Variants in MARF1 observed in about 807,000 individuals in gnomAD.
MARF1 encodes meiosis regulator and mRNA stability factor 1.
A neutral mutation model predicts 168.2 loss-of-function variants in MARF1; 24 were observed. The observed-to-expected ratio is 0.14, with a 90% CI of 0.10 to 0.20. MARF1 has a LOEUF of 0.20. Among genes scored for constraint, MARF1 ranks in the 10% least tolerant of loss-of-function variants. The probability of loss-of-function intolerance (pLI) is 1.00; values close to 1 mark genes in which losing one functional copy is unlikely to be tolerated. For missense variants in MARF1, 1,744 were observed against 2,143.6 expected (o/e 0.81, Z 3.68); for synonymous variants, 868 against 822.4 (o/e 1.06, Z -0.95).
At chr16:15,636,701 A>C (rs2035620747) in intron 2 of MARF1, among the ~76,000 whole-genome samples, 1 of 152,190 alleles carries the variant, frequency 6.6e-6, no homozygotes, top group African/African-American at 2.4e-5. Context: ...TGGTATGAAA[A>C]CAACCCCTCA....
chr16:15,620,616 T>C (rs768238609), intron 12 of MARF1, 85 bp from the exon 13 acceptor site: 16 of 808,164 alleles, frequency 2.0e-5, no homozygotes, highest in Non-Finnish European at 2.7e-5. Flanking sequence ...ATTAACCCAG[T>C]GCATATGCAA....
At chr16:15,606,458 G>A (rs980625789) in intron 21 of MARF1, among the ~76,000 whole-genome samples, 2 of 151,932 alleles carry the variant, frequency 1.3e-5, no homozygotes, top group African/African-American at 4.8e-5. Context: ...TGCACTCCAC[G>A]TGACATCCTG....
Position 15,600,418 on chromosome 16 carries a change from CCT to C in MARF1, c.4813+8_4813+9del, listed in dbSNP as rs1362453334. The C allele has an allele frequency of 1.2e-6, 2 of 1,614,168 alleles. No individual in the cohort carries two copies. The highest frequency in any genetic ancestry group is 8.5e-7 in the Non-Finnish European group (1 of 1,180,040). On this transcript the variant is annotated splice_region_variant and intron_variant, in intron 25 of 26. Transcript: ENST00000396368. Reference sequence around the variant, plus strand: ...CACAAGCTCCTATGTCTCTGCTTTTCCTCTCTTACCACTGCCGTCAGCTCCAA... The same window carrying C: ...CACAAGCTCCTATGTCTCTGCTTTTCCTCTTACCACTGCCGTCAGCTCCAA...
rs534484053 is a variant in MARF1 at position 15,621,577 on chromosome 16, G to A, written c.2639+156C>T. 64 of 743,786 alleles carry A rather than the reference G, an allele frequency of 8.6e-5. 2 individuals are homozygous for A. The South Asian group carries it at 1.2e-3, about 14-fold the overall frequency. 46.1% of individuals were successfully genotyped at this position (743,786 alleles called of 1,614,324 possible). On this transcript the variant is annotated intron_variant, in intron 12 of 26. Coordinates refer to ENST00000396368, the MANE Select transcript of MARF1 (RefSeq NM_014647.4). ...TTAATGACTTAGACAAGAGTCAAATGGCTTGTTTCTAACTGTATCAATCTA... is the reference window on the plus strand; with the variant it reads ...TTAATGACTTAGACAAGAGTCAAATAGCTTGTTTCTAACTGTATCAATCTA...
chr16:15,606,718 G>A (rs1205558042), intron 21 of MARF1, among the ~76,000 whole-genome samples: 1 of 152,020 alleles, frequency 6.6e-6, no homozygotes, highest in Non-Finnish European at 1.5e-5. Flanking sequence ...CACACCTCAA[G>A]GCCCTCCTGT....
intron 3 of MARF1, 134 bp from the exon 4 acceptor site, chr16:15,635,065 T>C (rs1160606511): frequency 4.5e-6 from 3 of 669,058 alleles, no homozygotes; most frequent in Non-Finnish European, 7.4e-6. Context: ...AAAAGGACTT[T>C]CAAATAATCT....
intron 6 of MARF1, 58 bp downstream of exon 6, chr16:15,631,323 T>C: frequency 8.5e-7 from 1 of 1,179,320 alleles, no homozygotes; most frequent in Non-Finnish European, 1.3e-6. Context: ...TGCTGGCTTC[T>C]ATGATAATTT....
chr16:15,628,873 A>G (rs1476948722), intron 7 of MARF1, among the ~76,000 whole-genome samples: 1 of 152,202 alleles, frequency 6.6e-6, no homozygotes, highest in African/African-American at 2.4e-5. Context: ...CAGACTAAAG[A>G]ACATAAAAAG....
chr16:15,609,979 G>A (rs1391483250), intron 19 of MARF1, among the ~76,000 whole-genome samples: 1 of 152,068 alleles, frequency 6.6e-6, no homozygotes, highest in African/African-American at 2.4e-5. Flanking sequence ...TTATAAGCTA[G>A]AAACAATGTC....
At chr16:15,602,912 A>C (rs1255680280) in intron 22 of MARF1, among the ~76,000 whole-genome samples, 1 of 152,204 alleles carries the variant, frequency 6.6e-6, no homozygotes, top group Non-Finnish European at 1.5e-5. Context: ...ACACATCAAA[A>C]GCAACAAGAA....
intron 5 of MARF1, among the ~76,000 whole-genome samples, chr16:15,632,387 G>T (rs945097413): frequency 6.6e-6 from 1 of 152,018 alleles, no homozygotes. Context: ...TTTTGTTTTG[G>T]GCTTTTAGCA....
chr16:15,600,463 G>A lies in MARF1; in HGVS notation c.4778C>T (p.Thr1593Ile). ...AGCTCCAAGCTTGAGTTCCGAGGCT[G>A]TGTGCGATTCGGGCACCTCCAGGAT... ...ERILEVPESHTASELKLGADG... is the reference protein window; with the variant it reads ...ERILEVPESHIASELKLGADG... The change falls in exon 25 of 27, where the codon ACA becomes ATA. Residue 1593 changes from threonine (T) to isoleucine (I), a missense_variant. By Grantham distance (89) the Thr-to-Ile change is moderately conservative. Around this residue, in one of 7 missense-constraint regions of MARF1, gnomAD observed 313 missense variants for 337.4 expected, o/e 0.93. Coordinates refer to ENST00000396368, the MANE Select transcript of MARF1 (RefSeq NM_014647.4). 1 of 1,614,182 alleles carries A rather than the reference G, an allele frequency of 6.2e-7. No individual in the cohort carries two copies. The highest frequency in any genetic ancestry group is 8.5e-7 in the Non-Finnish European group (1 of 1,180,042).
intron 5 of MARF1, among the ~76,000 whole-genome samples, chr16:15,632,319 G>A (rs976287845): frequency 6.6e-6 from 1 of 152,204 alleles, no homozygotes. Flanking sequence ...TATGTCAACT[G>A]TCCATGCTAC....
chr16:15,601,193 C>T, intron 23 of MARF1: 1 of 415,756 alleles, frequency 2.4e-6, no homozygotes, highest in Non-Finnish European at 4.8e-6. Flanking sequence ...AGGCCCCCTA[C>T]ATGTGCACAC....
intron 21 of MARF1, 28 bp downstream of exon 21, chr16:15,608,263 A>AC: frequency 1.1e-6 from 1 of 875,122 alleles, no homozygotes; most frequent in South Asian, 2.6e-5. Flanking sequence ...CATGAGGGAA[A>AC]AAAAAAAAAA....
rs1453976682 is a variant in MARF1, at chr16:15,636,176, T to C, written c.311A>G (p.His104Arg). Reference protein sequence around the residue: ...SSVPKVSCCAHCPNEPSTSPM... With the variant: ...SSVPKVSCCARCPNEPSTSPM... The stretch of plus-strand genomic sequence containing the variant: ...CGAAGTGGAGGGTTCATTAGGGCAA[T>C]GAGCACAGCAGCTTACTTTGGGGAC... The change falls in exon 3 of 27, where the codon CAT becomes CGT. Residue 104 changes from histidine to arginine, a missense_variant. By Grantham distance (29) the His-to-Arg change is conservative (BLOSUM62 0). This residue lies in a region of MARF1 where 318 missense variants were observed against 336.6 expected (regional missense o/e 0.94). Transcript: ENST00000396368. 1.9e-6 allele frequency: 3 copies of C among 1,614,200 alleles called. 1 individual carries two copies. In the South Asian group the frequency reaches 3.3e-5, roughly 18 times the overall value.
At chr16:15,602,645 A>AG (rs1259659100) in intron 22 of MARF1, 4 of 443,220 alleles carry the variant, frequency 9.0e-6, no homozygotes, top group Non-Finnish European at 1.8e-5. Flanking sequence ...AAGAGGAGAA[A>AG]GAAAAGGAGG....
intron 23 of MARF1, 103 bp from the exon 24 acceptor site, chr16:15,600,804 T>C: frequency 1.7e-6 from 2 of 1,184,150 alleles, no homozygotes; most frequent in Non-Finnish European, 2.5e-6. Context: ...TAGGCTAGAA[T>C]TTAGGAGCTG....
At chr16:15,641,160 C>G (rs1255891400) in intron 1 of MARF1, among the ~76,000 whole-genome samples, 1 of 152,098 alleles carries the variant, frequency 6.6e-6, no homozygotes, top group Non-Finnish European at 1.5e-5. Context: ...TTCTCCCCGC[C>G]ACTGCATTAC....
Sources: gnomAD v4.1 joint callset for allele counts (sites outside exome capture counted in the v4.1 genomes callset) on GRCh38, gnomAD v4.1.1 for gene constraint, gnomAD v4.1.1 regional missense constraint, MANE v1.5 for transcripts, NCBI Gene and HGNC (gene_info 2026-07-23, HGNC 2026-07-21) for gene names.